Variants in TAS2R1 observed in about 807,000 individuals in gnomAD.
TAS2R1 encodes taste receptor type 2 member 1.
For synonymous variants in TAS2R1, 141 were observed against 134.2 expected (o/e 1.05, Z -0.35); for missense variants, 370 against 353.4 (o/e 1.05, Z -0.38).
At chr5:9,705,036 C>G (rs1741574546) in intron 1 of TAS2R1, among the ~76,000 whole-genome samples, 1 of 151,412 alleles carries the variant, frequency 6.6e-6, no homozygotes, top group Non-Finnish European at 1.5e-5. Context: ...ATTGGTTGTT[C>G]TTCTTCAATG....
At chr5:9,854,122 C>T in the TAS2R1 span, among the ~76,000 whole-genome samples, 1 of 152,178 alleles carries the variant, frequency 6.6e-6, no homozygotes, top group Non-Finnish European at 1.5e-5. Flanking sequence ...GAGGGAGAAT[C>T]TGCTTCAGCC....
chr5:9,900,725 A>C, the TAS2R1 span, among the ~76,000 whole-genome samples: 1 of 146,454 alleles, frequency 6.8e-6, no homozygotes, highest in South Asian at 2.1e-4. Flanking sequence ...GGTTCATGCC[A>C]TTCTCCTGCC....
intron 1 of TAS2R1, among the ~76,000 whole-genome samples, chr5:9,696,817 C>T (rs1255027429): frequency 6.6e-6 from 1 of 151,780 alleles, no homozygotes; most frequent in Non-Finnish European, 1.5e-5. Flanking sequence ...AGTTTGAGAC[C>T]AGACTGACCA....
At chr5:9,802,931 G>A in the TAS2R1 span, among the ~76,000 whole-genome samples, 2 of 152,006 alleles carry the variant, frequency 1.3e-5, no homozygotes, top group African/African-American at 2.4e-5. Flanking sequence ...AATTAAGAAG[G>A]TCAATCATTA....
At chr5:9,809,811 T>A in the TAS2R1 span, among the ~76,000 whole-genome samples, 3 of 152,182 alleles carry the variant, frequency 2.0e-5, no homozygotes, top group East Asian at 5.8e-4. Flanking sequence ...TTAAATGGGA[T>A]CTCTTTGTAT....
At chr5:9,873,299 G>A in the TAS2R1 span, among the ~76,000 whole-genome samples, 1 of 152,072 alleles carries the variant, frequency 6.6e-6, no homozygotes, top group Non-Finnish European at 1.5e-5. Flanking sequence ...AGTGCTAAAA[G>A]GCTCCCTGTA....
chr5:9,742,164 C>T, the TAS2R1 span, among the ~76,000 whole-genome samples: 2 of 152,250 alleles, frequency 1.3e-5, no homozygotes, highest in South Asian at 2.1e-4. Context: ...GGATTACAGA[C>T]GTGAGCCACC....
the TAS2R1 span, among the ~76,000 whole-genome samples, chr5:9,835,018 G>A: frequency 1.3e-5 from 2 of 152,140 alleles, no homozygotes; most frequent in Non-Finnish European, 2.9e-5. Context: ...CCAGCAACAG[G>A]TTAGAAATTG....
the TAS2R1 span, among the ~76,000 whole-genome samples, chr5:9,902,354 A>C: frequency 6.6e-6 from 1 of 152,014 alleles, no homozygotes; most frequent in Non-Finnish European, 1.5e-5. Flanking sequence ...CTGTCTCCCC[A>C]GATCCTGGAA....
the TAS2R1 span, among the ~76,000 whole-genome samples, chr5:9,832,472 A>T: frequency 6.6e-6 from 1 of 152,206 alleles, no homozygotes. Context: ...CCTTTCCGCC[A>T]TCTTCTGCTC....
At chr5:9,876,234 CAA>C in the TAS2R1 span, among the ~76,000 whole-genome samples, 17 of 120,942 alleles carry the variant, frequency 1.4e-4, no homozygotes, top group Non-Finnish European at 1.3e-4. Context: ...GACGACAAAC[CAA>C]AAAAAAAAAA....
At chr5:9,890,429 C>T in the TAS2R1 span, among the ~76,000 whole-genome samples, 1 of 152,124 alleles carries the variant, frequency 6.6e-6, no homozygotes, top group Non-Finnish European at 1.5e-5. Context: ...GGTCTTGCAG[C>T]TTCTGTAGGT....
chr5:9,738,512 C>A, the TAS2R1 span, among the ~76,000 whole-genome samples: 1 of 152,196 alleles, frequency 6.6e-6, no homozygotes, highest in Admixed American at 6.5e-5. Flanking sequence ...AATAACACCA[C>A]CTTTGTTTAG....
the TAS2R1 span, among the ~76,000 whole-genome samples, chr5:9,738,536 C>A: frequency 2.0e-5 from 3 of 152,140 alleles, no homozygotes; most frequent in Non-Finnish European, 4.4e-5. Context: ...GATAGGGGTA[C>A]GGTTTCTGTC....
the TAS2R1 span, among the ~76,000 whole-genome samples, chr5:9,881,044 G>C: frequency 3.9e-5 from 6 of 152,086 alleles, no homozygotes; most frequent in Non-Finnish European, 7.4e-5. Flanking sequence ...CTTTCCCACT[G>C]CTGGCTCTGA....
At chr5:9,852,442 T>C in the TAS2R1 span, among the ~76,000 whole-genome samples, 1 of 152,198 alleles carries the variant, frequency 6.6e-6, no homozygotes, top group Non-Finnish European at 1.5e-5. Flanking sequence ...GGCAAACTCC[T>C]GGCATGTACA....
the TAS2R1 span, among the ~76,000 whole-genome samples, chr5:9,876,259 G>A: frequency 6.6e-6 from 1 of 152,126 alleles, no homozygotes; most frequent in African/African-American, 2.4e-5. Context: ...AGTTTGAAAG[G>A]TTTAAATATG....
At chr5:9,829,502 T>C in the TAS2R1 span, among the ~76,000 whole-genome samples, 56 of 152,342 alleles carry the variant, frequency 3.7e-4, 2 homozygotes, top group East Asian at 0.01. Context: ...ACCAAAATCA[T>C]ATCTGTTTCT....
At chr5:9,725,306 G>C in the TAS2R1 span, among the ~76,000 whole-genome samples, 3 of 152,228 alleles carry the variant, frequency 2.0e-5, no homozygotes, top group African/African-American at 7.2e-5. Flanking sequence ...GGGAGGTGTG[G>C]AGGGAGAGGC....
Sources: gnomAD v4.1 joint callset for allele counts (sites outside exome capture counted in the v4.1 genomes callset) on GRCh38, gnomAD v4.1.1 for gene constraint, MANE v1.5 for transcripts, NCBI Gene and HGNC (gene_info 2026-07-23, HGNC 2026-07-21) for gene names.